JOSD1: variants seen among roughly 807,000 people sequenced by gnomAD.
The protein encoded by JOSD1 is Josephin domain containing 1, also known as josephin-1.
In JOSD1, 11 loss-of-function variants were observed where a neutral mutation model predicts 24.3. The ratio of observed to expected loss-of-function variants is 0.45; its 90% confidence interval spans 0.29 to 0.75. The LOEUF (loss-of-function observed/expected upper bound fraction) is 0.75, where lower values mean the gene tolerates loss of function less well. Ranked by LOEUF, JOSD1 falls within the 30% of genes least tolerant of loss-of-function variation. JOSD1 has a pLI of 0.11. For missense variants in JOSD1, 184 were observed against 253.5 expected (o/e 0.73, Z 1.86); for synonymous variants, 106 against 93.8 (o/e 1.13, Z -0.75).
intron 2 of JOSD1, among the ~76,000 whole-genome samples, chr22:38,695,053 C>A (rs2092539170): frequency 6.6e-6 from 1 of 152,050 alleles, no homozygotes; most frequent in South Asian, 2.1e-4. Context: ...CGCCCTAATT[C>A]TTTCTTTCCT....
Position 38,687,824 on chromosome 22 carries a change from G to A in JOSD1, c.*78C>T, listed in dbSNP as rs2092504451. The A allele has an allele frequency of 2.1e-6, 2 of 951,192 alleles. No individual in the cohort carries two copies. The highest frequency in any genetic ancestry group is 1.6e-5 in the African/African-American group (1 of 61,680). The allele number at this position is 951,192 out of a possible 1,614,324, so 58.9% of individuals were successfully genotyped here. On this transcript the variant is annotated 3_prime_UTR_variant, in exon 5 of 5. Transcript: ENST00000683374. ...ATGAGATGTTTGGGGAAGTGGCAAGGGCAGACCCACTGTAGAGGCCACAGC... is the reference window on the plus strand; with the variant it reads ...ATGAGATGTTTGGGGAAGTGGCAAGAGCAGACCCACTGTAGAGGCCACAGC...
chr22:38,700,561 G>A lies in JOSD1; in HGVS notation c.-574C>T. ...GCCCTCCATCCCCTCGGGTACGGTG[G>A]GGCCCGCAGGGCGCGGCTCCCTCGG... On this transcript the variant is annotated 5_prime_UTR_variant, in exon 2 of 5. Transcript: ENST00000683374. 2 of 985,580 alleles carry A rather than the reference G, an allele frequency of 2.0e-6. No individual in the cohort carries two copies. The highest frequency in any genetic ancestry group is 2.4e-6 in the Non-Finnish European group (2 of 830,032). The allele number at this position is 985,580 out of a possible 1,614,324, so 61.1% of individuals were successfully genotyped here.
At chr22:38,690,334 C>T (rs1603136369) in intron 2 of JOSD1, among the ~76,000 whole-genome samples, 1 of 152,124 alleles carries the variant, frequency 6.6e-6, no homozygotes, top group African/African-American at 2.4e-5. Flanking sequence ...AGGATGTCAA[C>T]TCTAAAAAAC....
At chr22:38,694,476 G>A (rs1473285948) in intron 2 of JOSD1, among the ~76,000 whole-genome samples, 1 of 152,154 alleles carries the variant, frequency 6.6e-6, no homozygotes, top group Non-Finnish European at 1.5e-5. Flanking sequence ...CTGTCTTAAT[G>A]ATTTCCATAG....
At position 38,689,440 on chromosome 22, in the gene JOSD1, G is replaced by A. The variant is rs758429877; in HGVS notation, c.186-16C>T. 5.6e-6 allele frequency: 9 copies of A among 1,613,944 alleles called. No individual in the cohort carries two copies. In the South Asian group the frequency reaches 9.9e-5, roughly 18 times the overall value. ...TGGAGACAACCTACCAATGTGAAAA[G>A]AGGAGGGCTGAGACTTGCTGGATGC... On this transcript the variant is annotated splice_polypyrimidine_tract_variant and intron_variant, in intron 2 of 4. Coordinates refer to ENST00000683374, the MANE Select transcript of JOSD1 (RefSeq NM_001360236.2).
chr22:38,689,316 A>G lies in JOSD1; in HGVS notation c.294T>C (p.Ala98=). ...MAALQTKGYE[A]VWWDKRRDVG... ...ATTACCTGCGCTTGTCCCACCAAAC[A>G]GCTTCATAGCCTTTGGTCTGAAGTG... The change falls in exon 3 of 5, where the codon GCT becomes GCC. Residue 98 remains alanine (A), a synonymous_variant. Coordinates refer to ENST00000683374, the MANE Select transcript of JOSD1 (RefSeq NM_001360236.2). 1 of 1,614,250 alleles carries G rather than the reference A, an allele frequency of 6.2e-7. No individual in the cohort carries two copies. Among genetic ancestry groups the G allele is most frequent in the Non-Finnish European group, 8.5e-7 (1 of 1,180,040 alleles).
intron 4 of JOSD1, 125 bp from the exon 5 acceptor site, chr22:38,688,126 G>A (rs2092506194): frequency 1.5e-6 from 1 of 654,920 alleles, no homozygotes; most frequent in Middle Eastern, 2.5e-4. Context: ...GTAGTCATCT[G>A]GTTTTGGAGG....
chr22:38,691,858 T>G (rs992382281), intron 2 of JOSD1, among the ~76,000 whole-genome samples: 3 of 152,204 alleles, frequency 2.0e-5, no homozygotes, highest in Admixed American at 6.5e-5. Flanking sequence ...GATGTGTTTC[T>G]CATTGGTCTG....
In JOSD1 at chr22:38,700,207, C is replaced by T. The variant is rs1476273449; in HGVS notation, c.-220G>A. On this transcript the variant is annotated 5_prime_UTR_variant, in exon 2 of 5. Transcript: ENST00000683374. ...CAATAGAAAAATAACTTTTGGATTA[C>T]TTTTATTTTGCTACCACTGTCAAAG... 8.1e-7 allele frequency: 1 copy of T among 1,233,984 alleles called. No homozygotes were observed. Among genetic ancestry groups the T allele is most frequent in the Non-Finnish European group, 1.0e-6 (1 of 986,660 alleles). 76.4% of individuals were successfully genotyped at this position (1,233,984 alleles called of 1,614,324 possible).
chr22:38,689,471 C>A (rs781535052), intron 2 of JOSD1, 47 bp from the exon 3 acceptor site: 11 of 1,607,920 alleles, frequency 6.8e-6, no homozygotes, highest in South Asian at 1.1e-5. Flanking sequence ...GATGCCTGAA[C>A]CCCCTGACCC....
At chr22:38,698,413 C>T (rs2092554042) in intron 2 of JOSD1, among the ~76,000 whole-genome samples, 1 of 152,218 alleles carries the variant, frequency 6.6e-6, no homozygotes, top group Non-Finnish European at 1.5e-5. Context: ...AGGCCTTTGG[C>T]TCTTTCAGGG....
chr22:38,689,912 CTG>C (rs57064558), intron 2 of JOSD1, among the ~76,000 whole-genome samples: 55,335 of 144,334 alleles, frequency 0.38, 11,939 homozygotes, highest in Non-Finnish European at 0.49. Flanking sequence ...TAAAGGCATT[CTG>C]TGTGTGTGTG....
intron 2 of JOSD1, among the ~76,000 whole-genome samples, chr22:38,697,610 G>A (rs1363253916): frequency 6.6e-6 from 1 of 152,260 alleles, no homozygotes; most frequent in Non-Finnish European, 1.5e-5. Context: ...GCACTCTACA[G>A]GCGCTTCCAG....
At chr22:38,692,781 C>CAAAAAAAAAAAAAAA (rs61214432) in intron 2 of JOSD1, among the ~76,000 whole-genome samples, 22 of 44,982 alleles carry the variant, frequency 4.9e-4, no homozygotes, top group Admixed American at 6.6e-4. Flanking sequence ...AACTCTGTCT[C>CAAAAAAAAAAAAAAA]AAAAAAAAAA....
intron 2 of JOSD1, among the ~76,000 whole-genome samples, chr22:38,692,044 A>C (rs1193805693): frequency 1.3e-5 from 2 of 152,204 alleles, no homozygotes; most frequent in Non-Finnish European, 2.9e-5. Flanking sequence ...GACTCTTAAA[A>C]GGGCTTATAT....
Position 38,699,846 on chromosome 22 carries a change from T to G in JOSD1, c.142A>C (p.Ser48Arg). ...LHALNNVFQD[S>R]NAFTRDTLQE... is the part of the protein sequence containing the mutation. ...AGCGTATCCCGGGTGAAGGCATTGC[T>G]GTCCTGGAAGACGTTATTGAGGGCG... Residue 48 changes from serine to arginine, a missense_variant, in exon 2 of 5, where the codon AGC (serine) becomes CGC (arginine). Ser to Arg is a moderately radical substitution (Grantham distance 110, BLOSUM62 -1). Transcript: ENST00000683374. The G allele has an allele frequency of 6.2e-7, 1 of 1,614,224 alleles. No homozygotes were observed. The highest frequency in any genetic ancestry group is 1.7e-5 in the Admixed American group (1 of 60,032).
At chr22:38,688,789 C>T in intron 4 of JOSD1, 146 bp downstream of exon 4, 1 of 771,228 alleles carries the variant, frequency 1.3e-6, no homozygotes, top group Non-Finnish European at 2.1e-6. Context: ...AAGGTCAGGT[C>T]CGAGACACTA....
Position 38,689,205 on chromosome 22 carries a change from C to T in JOSD1, c.315-76G>A, listed in dbSNP as rs2092511482. Reference sequence around the variant, plus strand: ...TCCCTGGCTGTAATACCACAACTGGCTACCTCCCCACTCATGCCATGAGCC... The same window carrying T: ...TCCCTGGCTGTAATACCACAACTGGTTACCTCCCCACTCATGCCATGAGCC... On this transcript the variant is annotated intron_variant, in intron 3 of 4. Transcript: ENST00000683374. 35 of 1,601,070 alleles carry T rather than the reference C, an allele frequency of 2.2e-5. 2 individuals are homozygous for T. In the South Asian group the frequency reaches 3.8e-4, roughly 17 times the overall value.
chr22:38,692,111 A>G lies in JOSD1; in HGVS notation c.186-2687T>C, dbSNP rs116767187. Among the ~76,000 whole-genome samples, 438 of 152,336 alleles carry G rather than the reference A, an allele frequency of 2.9e-3. 2 individuals are homozygous for G. Among genetic ancestry groups the G allele is most frequent in the African/African-American group, 9.8e-3 (407 of 41,556 alleles). On this transcript the variant is annotated intron_variant, in intron 2 of 4. Transcript: ENST00000683374. ...AACCAAACTTTATCTTACCTGTAAT[A>G]ATAACTATAACTTATTGAAAAATCT...
Sources: allele counts gnomAD v4.1 joint callset (sites outside exome capture counted in the v4.1 genomes callset), GRCh38; gene constraint gnomAD v4.1.1; transcripts MANE v1.5; gene names NCBI Gene and HGNC (gene_info 2026-07-23, HGNC 2026-07-21).